ANK3: variants seen among roughly 807,000 people sequenced by gnomAD.
The protein encoded by ANK3 is ankyrin-3.
Under a neutral mutation model 370.9 loss-of-function variants are expected in ANK3, and 57 were observed. The ratio of observed to expected loss-of-function variants is 0.15; its 90% CI spans 0.12 to 0.19. The LOEUF is 0.19. ANK3 is among the 10% of genes least tolerant of loss of function. The probability of loss-of-function intolerance (pLI) is 1.00; values close to 1 mark genes in which losing one functional copy is unlikely to be tolerated. For synonymous variants in ANK3, 1,929 were observed against 1,946.3 expected (o/e 0.99, Z 0.23); for missense variants, 4,439 against 5,302.1 (o/e 0.84, Z 5.06).
intron 8 of ANK3, among the ~76,000 whole-genome samples, chr10:60,224,806 G>C (rs1256113104): frequency 6.6e-6 from 1 of 152,056 alleles, no homozygotes; most frequent in Admixed American, 6.5e-5. Context: ...AAAATGTAGA[G>C]AGTCCTTCAA....
rs563907907 is a variant in ANK3, at chr10:60,071,636, T to C, written c.9245A>G (p.Gln3082Arg). ...TTTTATCTCTTTCCCTCCCTCTGTC[T>C]GGGCTAGTGGTGCGAGTTTTTCCAA... ...DGLEKLAPLAQTEGGKEIKTL... is the reference protein window; with the variant it reads ...DGLEKLAPLARTEGGKEIKTL... The change falls in exon 37 of 44, where the codon CAG (glutamine) becomes CGG (arginine). Residue 3082 changes from glutamine to arginine, a missense_variant. By Grantham distance (43) the Gln-to-Arg change is conservative. Coordinates refer to ENST00000280772, the MANE Select transcript of ANK3 (RefSeq NM_020987.5). 1.2e-6 allele frequency: 2 copies of C among 1,610,960 alleles called. No homozygotes were observed. Among genetic ancestry groups the C allele is most frequent in the East Asian group, 4.5e-5 (2 of 44,880 alleles).
At chr10:60,106,462 A>G (rs1258409435) in intron 27 of ANK3, among the ~76,000 whole-genome samples, 1 of 152,170 alleles carries the variant, frequency 6.6e-6, no homozygotes, top group African/African-American at 2.4e-5. Context: ...TTTAAAAAAA[A>G]ATTCTATAAA....
At chr10:60,212,897 A>T (rs2096878873) in intron 9 of ANK3, among the ~76,000 whole-genome samples, 1 of 152,152 alleles carries the variant, frequency 6.6e-6, no homozygotes, top group Non-Finnish European at 1.5e-5. Flanking sequence ...AAGAGAGTCA[A>T]CCATTAATTT....
chr10:60,616,704 CAAAAT>C (rs1467832233), intron 1 of ANK3, among the ~76,000 whole-genome samples: 2 of 151,994 alleles, frequency 1.3e-5, no homozygotes, highest in African/African-American at 4.8e-5. Flanking sequence ...AGAAATTCGC[CAAAAT>C]GGTATTGTTG....
chr10:60,344,062 C>T (rs993005254), intron 1 of ANK3, among the ~76,000 whole-genome samples: 1 of 152,262 alleles, frequency 6.6e-6, no homozygotes, highest in Non-Finnish European at 1.5e-5. Flanking sequence ...GATCTAATAA[C>T]AGCCTAGTAC....
At chr10:60,119,937 T>C (rs1385515693) in intron 25 of ANK3, among the ~76,000 whole-genome samples, 1 of 152,138 alleles carries the variant, frequency 6.6e-6, no homozygotes, top group African/African-American at 2.4e-5. Context: ...AATAATGATA[T>C]TCTTCACAGA....
At chr10:60,534,027 C>A (rs1278334833) in intron 2 of ANK3, among the ~76,000 whole-genome samples, 1 of 152,086 alleles carries the variant, frequency 6.6e-6, no homozygotes, top group South Asian at 2.1e-4. Context: ...TATGACACAA[C>A]CTTTTCACTA....
At chr10:60,623,144 C>A (rs960217042) in intron 1 of ANK3, among the ~76,000 whole-genome samples, 1 of 152,116 alleles carries the variant, frequency 6.6e-6, no homozygotes, top group Non-Finnish European at 1.5e-5. Context: ...CATATTCCAT[C>A]CCTTCCAGAT....
intron 2 of ANK3, among the ~76,000 whole-genome samples, chr10:60,473,798 T>C (rs973298779): frequency 6.6e-6 from 1 of 151,932 alleles, no homozygotes; most frequent in African/African-American, 2.4e-5. Flanking sequence ...ATGAAAACAA[T>C]GACATATGAC....
Position 60,262,703 on chromosome 10 carries a change from C to T in ANK3, c.700-746G>A, listed in dbSNP as rs541899039. On this transcript the variant is annotated intron_variant, in intron 6 of 43. Transcript: ENST00000280772. The stretch of plus-strand genomic sequence containing the variant: ...TGTAGAAGGGTGGGTCATATTGACA[C>T]CATTCTGAAATACCTTTCCTTTTGC... 2.6e-5 allele frequency among the ~76,000 whole-genome samples: 4 copies of T among 152,260 alleles called. No individual in the cohort carries two copies. The South Asian group carries it at 8.3e-4, about 32-fold the overall frequency.
At chr10:60,081,109 C>T (rs1002858666) in intron 35 of ANK3, among the ~76,000 whole-genome samples, 14 of 151,944 alleles carry the variant, frequency 9.2e-5, no homozygotes, top group African/African-American at 2.9e-4. Flanking sequence ...AGGGTAGGGA[C>T]GGAGTCTTGC....
chr10:60,435,937 A>G (rs920904088), intron 2 of ANK3, among the ~76,000 whole-genome samples: 2 of 152,172 alleles, frequency 1.3e-5, no homozygotes, highest in Non-Finnish European at 2.9e-5. Context: ...AATACAAAAA[A>G]TTAGCCGGGC....
intron 26 of ANK3, among the ~76,000 whole-genome samples, chr10:60,109,823 G>T (rs1040017822): frequency 2.1e-4 from 32 of 152,264 alleles, no homozygotes; most frequent in African/African-American, 7.7e-4. Context: ...GAACTATAAA[G>T]AAATTAACTG....
chr10:60,047,872 T>C (rs1425994814), intron 42 of ANK3, among the ~76,000 whole-genome samples: 1 of 152,226 alleles, frequency 6.6e-6, no homozygotes, highest in African/African-American at 2.4e-5. Flanking sequence ...AACCACTGTA[T>C]ATTATCAAAT....
intron 2 of ANK3, among the ~76,000 whole-genome samples, chr10:60,481,310 T>G (rs1398099436): frequency 6.6e-6 from 1 of 152,146 alleles, no homozygotes; most frequent in Admixed American, 6.5e-5. Context: ...CAAGGCAACA[T>G]GAGCACATGT....
chr10:60,135,647 CTT>C (rs2094307348), intron 24 of ANK3, among the ~76,000 whole-genome samples: 1 of 152,214 alleles, frequency 6.6e-6, no homozygotes, highest in Admixed American at 6.5e-5. Flanking sequence ...ACCAGCCAGA[CTT>C]TGGCTTTGGC....
At chr10:60,218,186 A>G (rs575108470) in intron 8 of ANK3, among the ~76,000 whole-genome samples, 8 of 147,500 alleles carry the variant, frequency 5.4e-5, no homozygotes, top group Non-Finnish European at 1.2e-4. Context: ...TTTGCACATG[A>G]GATGGGCTTC....
chr10:60,183,634 G>A (rs771471529), intron 17 of ANK3, among the ~76,000 whole-genome samples: 8 of 152,008 alleles, frequency 5.3e-5, no homozygotes, highest in South Asian at 2.1e-4. Context: ...CAAGGCGGAC[G>A]GATCCCCTGA....
chr10:60,363,133 G>A (rs1180434247), intron 1 of ANK3, among the ~76,000 whole-genome samples: 3 of 152,136 alleles, frequency 2.0e-5, no homozygotes, highest in Admixed American at 6.6e-5. Flanking sequence ...TGGCCAGCGG[G>A]ATATAAACCC....
Sources: gnomAD v4.1 joint callset for allele counts (sites outside exome capture counted in the v4.1 genomes callset) on GRCh38, gnomAD v4.1.1 for gene constraint, MANE v1.5 for transcripts, NCBI Gene and HGNC (gene_info 2026-07-23, HGNC 2026-07-21) for gene names.